The following FLT1 variants were observed in gnomAD, a reference collection of about 807,000 sequenced individuals.
The protein encoded by FLT1 is fms related receptor tyrosine kinase 1.
FLT1 carries 49 observed loss-of-function variants against 156.3 expected under a neutral mutation model. The ratio of observed to expected loss-of-function variants is 0.31; its 90% CI spans 0.25 to 0.40. The LOEUF (loss-of-function observed/expected upper bound fraction) is 0.40. FLT1 is among the 10% of genes least tolerant of loss of function. FLT1 has a pLI of 1.00. For missense variants in FLT1, 1,322 were observed against 1,637.2 expected (o/e 0.81, Z 3.32); for synonymous variants, 594 against 583.8 (o/e 1.02, Z -0.25).
At chr13:28,447,814 G>A (rs1878703569) in intron 3 of FLT1, among the ~76,000 whole-genome samples, 1 of 149,826 alleles carries the variant, frequency 6.7e-6, no homozygotes, top group African/African-American at 2.4e-5. Flanking sequence ...TAAAAATCTA[G>A]ATATATTATG....
chr13:28,318,697 G>A (rs937175579), intron 24 of FLT1, among the ~76,000 whole-genome samples: 1 of 152,242 alleles, frequency 6.6e-6, no homozygotes, highest in East Asian at 1.9e-4. Flanking sequence ...GATGTTACTG[G>A]GTGACTTTTA....
At position 28,327,459 on chromosome 13, in the gene FLT1, T is replaced by C; in HGVS notation, c.2796+3A>G. On this transcript the variant is annotated splice_donor_region_variant and intron_variant, in intron 20 of 29. Transcript: ENST00000282397. ...AAAAACCTCCAACTTTTGAAATCCT[T>C]ACCTTGTTGAGAAAAAATAAGTCAC... is the stretch of plus-strand genomic sequence containing the variant. The C allele has an allele frequency of 6.3e-7, 1 of 1,589,090 alleles. No homozygotes were observed. The highest frequency in any genetic ancestry group is 8.6e-7 in the Non-Finnish European group (1 of 1,157,158).
chr13:28,304,613 G>A (rs1593663848), intron 29 of FLT1, among the ~76,000 whole-genome samples: 1 of 151,838 alleles, frequency 6.6e-6, no homozygotes, highest in Non-Finnish European at 1.5e-5. Flanking sequence ...GACACAAATT[G>A]TGCAACCATC....
At chr13:28,359,295 C>T (rs371068308) in intron 14 of FLT1, among the ~76,000 whole-genome samples, 16 of 152,290 alleles carry the variant, frequency 1.1e-4, no homozygotes, top group African/African-American at 3.6e-4. Context: ...AAAGGACAGT[C>T]TCCTTAATAA....
intron 14 of FLT1, among the ~76,000 whole-genome samples, chr13:28,380,163 T>C (rs142869989): frequency 3.3e-5 from 5 of 152,326 alleles, no homozygotes; most frequent in Non-Finnish European, 7.4e-5. Flanking sequence ...GCTGAGTATA[T>C]AACAAACTAC....
intron 10 of FLT1, among the ~76,000 whole-genome samples, chr13:28,412,368 C>CT (rs1218478620): frequency 1.1e-3 from 78 of 72,934 alleles, no homozygotes; most frequent in East Asian, 2.9e-3. Flanking sequence ...TTCTTTCTTT[C>CT]TTTCTTTCTT....
chr13:28,470,991 A>C (rs1880145236), intron 1 of FLT1, among the ~76,000 whole-genome samples: 1 of 152,054 alleles, frequency 6.6e-6, no homozygotes, highest in South Asian at 2.1e-4. Flanking sequence ...GCGCCGCGCA[A>C]GAAGTGCTAT....
chr13:28,326,071 G>C (rs931409565), intron 20 of FLT1, among the ~76,000 whole-genome samples: 1 of 152,260 alleles, frequency 6.6e-6, no homozygotes, highest in Non-Finnish European at 1.5e-5. Flanking sequence ...TCAGTGGTAC[G>C]AAGTTGGACT....
chr13:28,384,566 C>T (rs932756095), intron 14 of FLT1, among the ~76,000 whole-genome samples: 5 of 152,152 alleles, frequency 3.3e-5, no homozygotes, highest in African/African-American at 9.7e-5. Context: ...AAACTAACTG[C>T]TCACTTTCCC....
chr13:28,393,166 T>A (rs1461551523), intron 12 of FLT1, among the ~76,000 whole-genome samples: 1 of 152,186 alleles, frequency 6.6e-6, no homozygotes, highest in Non-Finnish European at 1.5e-5. Context: ...ATCACATCCA[T>A]GGCATCTTAT....
At chr13:28,478,842 A>G (rs1455854950) in intron 1 of FLT1, among the ~76,000 whole-genome samples, 2 of 152,234 alleles carry the variant, frequency 1.3e-5, no homozygotes, top group Non-Finnish European at 2.9e-5. Flanking sequence ...AAAGCCAAAA[A>G]TGTTATTATA....
intron 1 of FLT1, among the ~76,000 whole-genome samples, chr13:28,491,060 A>C (rs1351136755): frequency 6.6e-6 from 1 of 152,184 alleles, no homozygotes; most frequent in East Asian, 1.9e-4. Context: ...CCAACTGCCC[A>C]AGCCAGGTCA....
intron 3 of FLT1, among the ~76,000 whole-genome samples, chr13:28,457,177 T>TACAC (rs140180276): frequency 0.064 from 9,721 of 150,786 alleles, 1,041 homozygotes; most frequent in African/African-American, 0.22. Context: ...AAAAAAATCA[T>TACAC]ACACACACAC....
Position 28,384,191 on chromosome 13 carries a change from T to C in FLT1, c.2116+694A>G, listed in dbSNP as rs1874213864. Among the ~76,000 whole-genome samples the C allele has an allele frequency of 2.0e-5, 3 of 152,172 alleles. No individual in the cohort carries two copies. In the South Asian group the frequency reaches 6.2e-4, roughly 32 times the overall value. Reference sequence around the variant, plus strand: ...GCATGCGCCTATAATCCCAGCACTTTGGGAGGCCAAGGCAGGTGGATTACC... The same window carrying C: ...GCATGCGCCTATAATCCCAGCACTTCGGGAGGCCAAGGCAGGTGGATTACC... On this transcript the variant is annotated intron_variant, in intron 14 of 29. Transcript: ENST00000282397.
chr13:28,391,283 C>G (rs1378636417), intron 12 of FLT1, among the ~76,000 whole-genome samples: 1 of 152,170 alleles, frequency 6.6e-6, no homozygotes, highest in Non-Finnish European at 1.5e-5. Context: ...GAAAATAAGT[C>G]TTGGGACCCC....
Position 28,368,555 on chromosome 13 carries a change from GA to G in FLT1, c.2117-10871del, listed in dbSNP as rs1301709904. ...AAATGGTAGCTATGATGATGATGAT[GA>G]TGATGATGATAATGATGATAGCTAT... On this transcript the variant is annotated intron_variant, in intron 14 of 29. Transcript: ENST00000282397. 9 of 1,537,158 alleles carry G rather than the reference GA, an allele frequency of 5.9e-6. No homozygotes were observed. In the African/African-American group the frequency reaches 1.1e-4, roughly 19 times the overall value.
intron 10 of FLT1, among the ~76,000 whole-genome samples, chr13:28,416,699 C>T (rs992006341): frequency 6.6e-6 from 1 of 152,048 alleles, no homozygotes; most frequent in Non-Finnish European, 1.5e-5. Flanking sequence ...AAATAGGAAC[C>T]CCAGGCTATA....
In FLT1 at chr13:28,321,576, G is replaced by A. The variant is rs2138830187; in HGVS notation, c.3061C>T (p.Arg1021Trp). 4 of 1,614,094 alleles carry A rather than the reference G, an allele frequency of 2.5e-6. No individual in the cohort carries two copies. The highest frequency in any genetic ancestry group is 2.5e-6 in the Non-Finnish European group (3 of 1,179,966). Residue 1021 changes from arginine (R) to tryptophan (W), a missense_variant, in exon 23 of 30, where the codon CGG becomes TGG. Arg to Trp is a moderately radical substitution (Grantham distance 101). Transcript: ENST00000282397. ...EFLSSRKCIH[R>W]DLAARNILLS... is the part of the protein sequence containing the mutation. ...AGAATGTTTCTCGCTGCCAGGTCCCGATGAATGCACTATAATAAAACAGTT... is the reference window on the plus strand; with the variant it reads ...AGAATGTTTCTCGCTGCCAGGTCCCAATGAATGCACTATAATAAAACAGTT...
intron 3 of FLT1, among the ~76,000 whole-genome samples, chr13:28,447,046 A>G (rs1451793590): frequency 6.6e-6 from 1 of 151,998 alleles, no homozygotes; most frequent in Non-Finnish European, 1.5e-5. Flanking sequence ...TTTTCAACAA[A>G]TGGTGCTGGA....
Sources: allele counts gnomAD v4.1 joint callset (sites outside exome capture counted in the v4.1 genomes callset), GRCh38; gene constraint gnomAD v4.1.1; transcripts MANE v1.5; gene names NCBI Gene and HGNC (gene_info 2026-07-23, HGNC 2026-07-21).